The following PCDH7 variants were observed in gnomAD, a reference collection of about 807,000 sequenced individuals.
The protein encoded by PCDH7 is protocadherin-7.
Under a neutral mutation model 58.9 loss-of-function variants are expected in PCDH7, and 17 were observed. That is an observed-to-expected ratio of 0.29 (90% CI 0.20 to 0.43). The LOEUF (loss-of-function observed/expected upper bound fraction) is 0.43. Among genes scored for constraint, PCDH7 ranks in the 20% least tolerant of loss-of-function variants. PCDH7 has a pLI of 1.00. For synonymous variants in PCDH7, 664 were observed against 616.4 expected, an observed-to-expected ratio of 1.08 and a Z score of -1.14; for missense variants, 1,274 against 1,441.0, an observed-to-expected ratio of 0.88 and a Z score of 1.88.
intron 1 of PCDH7, among the ~76,000 whole-genome samples, chr4:30,873,219 C>T (rs1352326883): frequency 6.6e-6 from 1 of 152,064 alleles, no homozygotes; most frequent in African/African-American, 2.4e-5. Flanking sequence ...CCTCTAGCCA[C>T]ACTATACCTG....
At chr4:30,908,853 A>G (rs1287951553) in intron 1 of PCDH7, among the ~76,000 whole-genome samples, 1 of 152,196 alleles carries the variant, frequency 6.6e-6, no homozygotes, top group Non-Finnish European at 1.5e-5. Flanking sequence ...TCATCCTGAT[A>G]CCAAAAGCTG....
At chr4:31,001,388 CATAA>C (rs1273962146) in intron 3 of PCDH7, among the ~76,000 whole-genome samples, 1 of 152,016 alleles carries the variant, frequency 6.6e-6, no homozygotes, top group Non-Finnish European at 1.5e-5. Flanking sequence ...CTTATATATA[CATAA>C]ATAAGATTAA....
chr4:30,948,256 C>A, intron 2 of PCDH7, among the ~76,000 whole-genome samples: 1 of 148,192 alleles, frequency 6.7e-6, no homozygotes, highest in Non-Finnish European at 1.5e-5. Flanking sequence ...ATTTTCTATA[C>A]ATAAAAGTCT....
At chr4:30,993,386 A>G (rs1046645864) in intron 3 of PCDH7, among the ~76,000 whole-genome samples, 3 of 152,202 alleles carry the variant, frequency 2.0e-5, no homozygotes, top group South Asian at 2.1e-4. Context: ...GCCATGCTCC[A>G]TACGTCTAAT....
chr4:31,047,978 C>G lies in PCDH7; in HGVS notation c.*8-94495C>G, dbSNP rs138512621. Among the ~76,000 whole-genome samples the G allele has an allele frequency of 5.9e-3, 902 of 151,980 alleles. 6 individuals carry two copies. Among genetic ancestry groups the G allele is most frequent in the African/African-American group, 0.021 (876 of 41,490 alleles). ...TGTGGTTTATTTATACATTTTTAAC[C>G]ATAATAAATTTTACCTTATGGTTGC... On this transcript the variant is annotated intron_variant, in intron 3 of 3. Transcript: ENST00000509759.
chr4:31,116,580 A>G (rs1717010079), intron 3 of PCDH7, among the ~76,000 whole-genome samples: 1 of 152,198 alleles, frequency 6.6e-6, no homozygotes, highest in Non-Finnish European at 1.5e-5. Context: ...TGCAGATCAT[A>G]GCGACTTTGT....
At chr4:31,056,915 T>C (rs1317590097) in intron 3 of PCDH7, among the ~76,000 whole-genome samples, 1 of 152,152 alleles carries the variant, frequency 6.6e-6, no homozygotes, top group African/African-American at 2.4e-5. Context: ...TAGTCAAATA[T>C]CCAAATGGGA....
At chr4:30,841,935 T>G (rs1560425591) in intron 1 of PCDH7, among the ~76,000 whole-genome samples, 1 of 152,026 alleles carries the variant, frequency 6.6e-6, no homozygotes, top group Admixed American at 6.6e-5. Context: ...CCCTTACCAC[T>G]AGAATAGGTG....
intron 1 of PCDH7, among the ~76,000 whole-genome samples, chr4:30,919,341 C>T (rs1261310322): frequency 2.0e-5 from 3 of 152,054 alleles, no homozygotes; most frequent in African/African-American, 7.2e-5. Flanking sequence ...TCTGCAAATA[C>T]CTTCCATAGT....
At chr4:30,914,184 A>T (rs1402803813) in intron 1 of PCDH7, among the ~76,000 whole-genome samples, 1 of 152,206 alleles carries the variant, frequency 6.6e-6, no homozygotes, top group African/African-American at 2.4e-5. Flanking sequence ...AATGTTCATT[A>T]TAAGTATATG....
chr4:30,922,293 T>C (rs1743285938), intron 2 of PCDH7, among the ~76,000 whole-genome samples: 1 of 152,004 alleles, frequency 6.6e-6, no homozygotes, highest in Non-Finnish European at 1.5e-5. Flanking sequence ...AGATTACCTG[T>C]TCATGAGAAC....
intron 3 of PCDH7, among the ~76,000 whole-genome samples, chr4:31,032,704 G>A (rs1296020990): frequency 7.9e-6 from 1 of 126,598 alleles, no homozygotes; most frequent in Non-Finnish European, 1.7e-5. Context: ...GGGAGGGAGG[G>A]AGAGAGGGAG....
rs766174997 is a variant in PCDH7, at chr4:30,724,030, A to G, written c.2608A>G (p.Ser870Gly). The change falls in exon 1 of 2, where the codon AGC (serine) becomes GGC (glycine). Residue 870 changes from serine to glycine, a missense_variant. By Grantham distance (56) the Ser-to-Gly change is moderately conservative. Transcript: ENST00000361762. ...CACCCAGGATATAGCTGGTGACCCAAGCTATGAAATTAGCAAACAGAGACT... is the reference window on the plus strand; with the variant it reads ...CACCCAGGATATAGCTGGTGACCCAGGCTATGAAATTAGCAAACAGAGACT... The G allele has an allele frequency of 1.3e-5, 21 of 1,614,048 alleles. No individual in the cohort carries two copies. In the East Asian group the frequency reaches 4.5e-4, roughly 34 times the overall value.
chr4:31,114,664 C>T (rs1396103661), intron 3 of PCDH7, among the ~76,000 whole-genome samples: 4 of 150,934 alleles, frequency 2.7e-5, no homozygotes, highest in Non-Finnish European at 3.0e-5. Flanking sequence ...CACACACACA[C>T]ACACGAAGAG....
chr4:31,034,907 A>G (rs550568543), intron 3 of PCDH7, among the ~76,000 whole-genome samples: 1 of 152,342 alleles, frequency 6.6e-6, no homozygotes, highest in East Asian at 1.9e-4. Context: ...GGTAATTTAC[A>G]CCTGTTACCT....
At chr4:30,918,196 C>A (rs1742724923) in intron 1 of PCDH7, among the ~76,000 whole-genome samples, 1 of 152,070 alleles carries the variant, frequency 6.6e-6, no homozygotes, top group Non-Finnish European at 1.5e-5. Flanking sequence ...TCAACATTGT[C>A]ATTAAAATTT....
intron 1 of PCDH7, among the ~76,000 whole-genome samples, chr4:30,889,513 A>G (rs1738324266): frequency 6.6e-6 from 1 of 152,170 alleles, no homozygotes; most frequent in South Asian, 2.1e-4. Flanking sequence ...AAAACAATAT[A>G]TATACAAAAT....
chr4:30,847,661 G>T (rs1293368585), intron 1 of PCDH7, among the ~76,000 whole-genome samples: 1 of 152,014 alleles, frequency 6.6e-6, no homozygotes, highest in Non-Finnish European at 1.5e-5. Context: ...ATTTTTAGTT[G>T]ACTTTTGCTG....
chr4:30,756,566 T>G (rs186166963), intron 1 of PCDH7, among the ~76,000 whole-genome samples: 1 of 152,344 alleles, frequency 6.6e-6, no homozygotes, highest in African/African-American at 2.4e-5. Flanking sequence ...CAACCTCTTC[T>G]TATCTTTCAT....
Sources: gnomAD v4.1 joint callset for allele counts (sites outside exome capture counted in the v4.1 genomes callset) on GRCh38, gnomAD v4.1.1 for gene constraint, MANE v1.5 for transcripts, NCBI Gene and HGNC (gene_info 2026-07-23, HGNC 2026-07-21) for gene names.